ACTN3: variants seen among roughly 807,000 people sequenced by gnomAD.
The protein encoded by ACTN3 is alpha-actinin-3.
ACTN3 carries 91 observed loss-of-function variants against 119.6 expected under a neutral mutation model. The ratio of observed to expected loss-of-function variants is 0.76; its 90% CI spans 0.64 to 0.91. The LOEUF is 0.91. Ranked by LOEUF, ACTN3 falls within the 40% of genes least tolerant of loss-of-function variation. The pLI is 0.00. For synonymous variants in ACTN3, 456 were observed against 478.8 expected (o/e 0.95, Z 0.62); for missense variants, 1,221 against 1,215.1 (o/e 1.00, Z -0.07).
At chr11:66,551,407 A>G (rs1236551239) in intron 2 of ACTN3, 54 bp downstream of exon 2, 3 of 1,569,860 alleles carry the variant, frequency 1.9e-6, no homozygotes, top group Non-Finnish European at 2.6e-6. Flanking sequence ...ACATCTGGAC[A>G]GCAGGGGGAA....
At chr11:66,546,878 T>A, upstream of ACTN3, 1 of 1,512,202 alleles carries the variant, frequency 6.6e-7, no homozygotes, top group Non-Finnish European at 8.8e-7. Context: ...GGGCCCTACT[T>A]AATGGGGCCC....
At chr11:66,550,983 C>G in intron 1 of ACTN3, 2 of 615,654 alleles carry the variant, frequency 3.2e-6, no homozygotes, top group Middle Eastern at 5.9e-4. Context: ...GGCTGGGGTG[C>G]TGGTGGCCGG....
Position 66,561,562 on chromosome 11 carries a change from C to T in ACTN3, c.2100C>T (p.Asp700=), listed in dbSNP as rs1857765928. 1.2e-6 allele frequency: 2 copies of T among 1,612,702 alleles called. No individual in the cohort carries two copies. Among genetic ancestry groups the T allele is most frequent in the East Asian group, 2.2e-5 (1 of 44,842 alleles). The stretch of plus-strand genomic sequence containing the variant: ...TTATCAACTACAAGACTAACATTGA[C>T]CGGCTGGAGGGTGACCACCAGCTGC... The part of the protein sequence containing the change: ...QNIINYKTNI[D]RLEGDHQLLQ... Residue 700 remains aspartate (D), a synonymous_variant, in exon 17 of 21, where the codon GAC becomes GAT. Coordinates refer to ENST00000513398, the MANE Select transcript of ACTN3 (RefSeq NM_001104.4).
Position 66,560,053 on chromosome 11 carries a change from C to A in ACTN3, c.1513C>A (p.Gln505Lys). 1 of 1,595,308 alleles carries A rather than the reference C, an allele frequency of 6.3e-7. No individual in the cohort carries two copies. The highest frequency in any genetic ancestry group is 8.5e-7 in the Non-Finnish European group (1 of 1,174,658). Reference sequence around the variant, plus strand: ...GTGGGACAACCTGGGCACCCTGACCCAGAAGAGGCGGGATGCGCTAGAGGT... The same window carrying A: ...GTGGGACAACCTGGGCACCCTGACCAAGAAGAGGCGGGATGCGCTAGAGGT... ...DQWDNLGTLTQKRRDALERME... is the reference protein window; with the variant it reads ...DQWDNLGTLTKKRRDALERME... Residue 505 changes from glutamine to lysine, a missense_variant, in exon 13 of 21, where the codon CAG becomes AAG. By Grantham distance (53) the Gln-to-Lys change is moderately conservative. Transcript: ENST00000513398.
chr11:66,546,614 G>A (rs1389975755), upstream of ACTN3: 1 of 1,535,496 alleles, frequency 6.5e-7, no homozygotes. Context: ...ATTATTATCG[G>A]CCTTTCTATT....
rs778038749 is a variant in ACTN3, at chr11:66,558,033, G to A, written c.1135G>A (p.Ala379Thr). Residue 379 changes from alanine to threonine, a missense_variant, in exon 11 of 21, where the codon GCC (alanine) becomes ACC (threonine). By Grantham distance (58) the Ala-to-Thr change is moderately conservative (BLOSUM62 0). This residue lies in a region of ACTN3 where 934 missense variants were observed against 899.9 expected (regional missense o/e 1.04). Coordinates refer to ENST00000513398, the MANE Select transcript of ACTN3 (RefSeq NM_001104.4). ...PSEGKLVSDI[A>T]NAWRGLEQVE... is the part of the protein sequence containing the mutation. The stretch of plus-strand genomic sequence containing the variant: ...ACCCCTGCCTGCTCCACAGGACATC[G>A]CCAACGCCTGGCGGGGGCTGGAGCA... 1.1e-5 allele frequency: 17 copies of A among 1,613,684 alleles called. No individual in the cohort carries two copies. The highest frequency in any genetic ancestry group is 4.5e-5 in the East Asian group (2 of 44,890).
chr11:66,547,135 G>T, intron 1 of ACTN3, 51 bp downstream of exon 1: 1 of 1,453,194 alleles, frequency 6.9e-7, no homozygotes, highest in Non-Finnish European at 9.1e-7. Flanking sequence ...GAGAGGCCGG[G>T]CTGTTTGTCC....
At position 66,561,543 on chromosome 11, in the gene ACTN3, A is replaced by G. The variant is rs966975541; in HGVS notation, c.2081A>G (p.Asn694Ser). The change falls in exon 17 of 21, where the codon AAC becomes AGC. Residue 694 changes from asparagine (N) to serine (S), a missense_variant. Physicochemically the swap from Asn to Ser is conservative, Grantham distance 46. Around this residue, in one of 3 missense-constraint regions of ACTN3, gnomAD observed 934 missense variants for 899.9 expected, o/e 1.04. Coordinates refer to ENST00000513398, the MANE Select transcript of ACTN3 (RefSeq NM_001104.4). ...GLRQQEQNII[N>S]YKTNIDRLEG... Reference sequence around the variant, plus strand: ...CGGCAGCAGGAGCAGAACATTATCAACTACAAGACTAACATTGACCGGCTG... The same window carrying G: ...CGGCAGCAGGAGCAGAACATTATCAGCTACAAGACTAACATTGACCGGCTG... 1 of 1,611,854 alleles carries G rather than the reference A, an allele frequency of 6.2e-7. No individual in the cohort carries two copies. The highest frequency in any genetic ancestry group is 8.5e-7 in the Non-Finnish European group (1 of 1,179,028).
chr11:66,560,578 G>A lies in ACTN3; in HGVS notation c.1683G>A (p.Leu561=). Residue 561 remains leucine (L), a synonymous_variant, in exon 15 of 21, where the codon CTG becomes CTA. Transcript: ENST00000513398. ...LVHSVEETQS[L]LTAHDQFKAT... is the part of the protein sequence containing the mutation. ...TTCCTGCCTGTCGTCCCCAGAGCCT[G>A]CTGACAGCGCACGATCAGTTCAAGG... 6.2e-7 allele frequency: 1 copy of A among 1,609,306 alleles called. No individual in the cohort carries two copies.
chr11:66,559,516 C>T, intron 12 of ACTN3, 130 bp downstream of exon 12: 2 of 957,320 alleles, frequency 2.1e-6, no homozygotes, highest in Non-Finnish European at 2.9e-6. Context: ...CGCCGTGGTA[C>T]CCAGGTCCCA....
chr11:66,563,005 CTGTGGGTCCT>C lies in ACTN3; in HGVS notation c.2548-29_2548-20del. The C allele has an allele frequency of 6.2e-7, 1 of 1,607,606 alleles. No individual in the cohort carries two copies. Among genetic ancestry groups the C allele is most frequent in the Non-Finnish European group, 8.5e-7 (1 of 1,175,694 alleles). ...GGTGGGCTAGGGCAGGGCACGGGAC[CTGTGGGTCCT>C]CAACGCCTCTTCTCCCCAGAACTAC... On this transcript the variant is annotated intron_variant, in intron 20 of 20. Transcript: ENST00000513398.
At chr11:66,559,868 G>A (rs911192194) in intron 12 of ACTN3, 100 bp from the exon 13 acceptor site, 12 of 1,187,418 alleles carry the variant, frequency 1.0e-5, no homozygotes, top group East Asian at 5.1e-5. Context: ...GCTCCCGCAC[G>A]CCTTCACCCC....
At position 66,551,371 on chromosome 11, in the gene ACTN3, G is replaced by A. The variant is rs1368412800; in HGVS notation, c.262+18G>A. ...CATTTCAGGTGAGGATGGCAAATCA[G>A]TGCACCTGGGCCCCAGGACCCAGGA... On this transcript the variant is annotated intron_variant, in intron 2 of 20. Coordinates refer to ENST00000513398, the MANE Select transcript of ACTN3 (RefSeq NM_001104.4). The A allele has an allele frequency of 1.9e-6, 3 of 1,589,654 alleles. No homozygotes were observed. The highest frequency in any genetic ancestry group is 2.6e-6 in the Non-Finnish European group (3 of 1,167,524).
chr11:66,558,183 A>G lies in ACTN3; in HGVS notation c.1276+9A>G. ...CGAAGCCTGGACCCGGGGTAGGTAGACCTACCTCATGGGGCTGGACTGTCT... is the reference window on the plus strand; with the variant it reads ...CGAAGCCTGGACCCGGGGTAGGTAGGCCTACCTCATGGGGCTGGACTGTCT... On this transcript the variant is annotated intron_variant, in intron 11 of 20. Coordinates refer to ENST00000513398, the MANE Select transcript of ACTN3 (RefSeq NM_001104.4). 2.5e-6 allele frequency: 4 copies of G among 1,611,910 alleles called. No homozygotes were observed. The South Asian group carries it at 4.4e-5, about 18-fold the overall frequency.
In ACTN3 at chr11:66,560,604, C is replaced by A. The variant is rs1447041233; in HGVS notation, c.1709C>A (p.Ala570Glu). The A allele has an allele frequency of 5.3e-5, 86 of 1,613,202 alleles. No homozygotes were observed. Among genetic ancestry groups the A allele is most frequent in the Middle Eastern group, 1.6e-4 (1 of 6,084 alleles). ...SLLTAHDQFKATLPEADRERG... is the reference protein window; with the variant it reads ...SLLTAHDQFKETLPEADRERG... ...CTGACAGCGCACGATCAGTTCAAGG[C>A]AACACTGCCCGAGGCTGACCGAGAG... Residue 570 changes from alanine to glutamate, a missense_variant, in exon 15 of 21, where the codon GCA becomes GAA. This residue lies in a region of ACTN3 where 934 missense variants were observed against 899.9 expected (regional missense o/e 1.04). Transcript: ENST00000513398.
intron 5 of ACTN3, 92 bp from the exon 6 acceptor site, chr11:66,555,038 G>A: frequency 8.8e-7 from 1 of 1,133,192 alleles, no homozygotes; most frequent in Non-Finnish European, 1.3e-6. Context: ...TTTTACAGAT[G>A]AGGCTGTCCT....
At chr11:66,551,396 A>G in intron 2 of ACTN3, 43 bp downstream of exon 2, 1 of 1,574,518 alleles carries the variant, frequency 6.4e-7, no homozygotes, top group East Asian at 2.3e-5. Context: ...AGGACCCAGG[A>G]ACATCTGGAC....
chr11:66,560,137 C>A, intron 13 of ACTN3, 34 bp from the exon 14 acceptor site: 1 of 1,565,654 alleles, frequency 6.4e-7, no homozygotes, highest in Non-Finnish European at 8.7e-7. Context: ...GTCTGCAGGG[C>A]AGGCTTCTGA....
chr11:66,551,580 C>T lies in ACTN3; in HGVS notation c.315C>T (p.Ala105=). 6.2e-7 allele frequency: 1 copy of T among 1,614,106 alleles called. No individual in the cohort carries two copies. Among genetic ancestry groups the T allele is most frequent in the African/African-American group, 1.3e-5 (1 of 75,054 alleles). ...DKGKMRFHKI[A]NVNKALDFIA... Reference sequence around the variant, plus strand: ...GCAAGATGCGCTTCCACAAAATCGCCAACGTTAACAAGGCCCTGGACTTCA... The same window carrying T: ...GCAAGATGCGCTTCCACAAAATCGCTAACGTTAACAAGGCCCTGGACTTCA... Residue 105 remains alanine (A), a synonymous_variant, in exon 3 of 21, where the codon GCC becomes GCT. Coordinates refer to ENST00000513398, the MANE Select transcript of ACTN3 (RefSeq NM_001104.4).
Sources: allele counts gnomAD v4.1 joint callset, GRCh38; gene constraint gnomAD v4.1.1; regional missense constraint gnomAD v4.1.1; transcripts MANE v1.5; gene names NCBI Gene and HGNC (gene_info 2026-07-23, HGNC 2026-07-21).